The following DMWD variants were observed in gnomAD, a reference collection of about 807,000 sequenced individuals.
DMWD encodes DM1 locus, WD repeat containing, also known as dystrophia myotonica WD repeat-containing protein.
A neutral mutation model predicts 45.8 loss-of-function variants in DMWD; 19 were observed. That is an observed-to-expected ratio of 0.41 (90% confidence interval 0.29 to 0.61). DMWD has a LOEUF of 0.61. Ranked by LOEUF, DMWD falls within the 20% of genes least tolerant of loss-of-function variation. The pLI, the probability that DMWD is intolerant of heterozygous loss-of-function variation, is 0.25. For synonymous variants in DMWD, 515 were observed against 440.5 expected, an observed-to-expected ratio of 1.17 and a Z score of -2.12; for missense variants, 802 against 965.2, an observed-to-expected ratio of 0.83 and a Z score of 2.24.
At position 45,785,657 on chromosome 19, in the gene DMWD, C is replaced by G; in HGVS notation, c.1839G>C (p.Glu613Asp). The change falls in exon 3 of 5, where the codon GAG becomes GAC. Residue 613 changes from glutamate (E) to aspartate (D), a missense_variant. By Grantham distance (45) the Glu-to-Asp change is conservative (BLOSUM62 2). This residue lies in a region of DMWD where 303 missense variants were observed against 332.9 expected (regional missense o/e 0.91). Coordinates refer to ENST00000270223, the MANE Select transcript of DMWD (RefSeq NM_004943.2). ...QERLTVLLFL[E>D]DCIITACQEG... ...CCTGGCAGGCAGTGATGATGCAGTC[C>G]TCCAGGAACAGGAGGACTGTGAGCC... 6.4e-7 allele frequency: 1 copy of G among 1,569,306 alleles called. No individual in the cohort carries two copies. Among genetic ancestry groups the G allele is most frequent in the Non-Finnish European group, 8.7e-7 (1 of 1,153,138 alleles).
chr19:45,787,029 C>T (rs949145100), intron 2 of DMWD, 158 bp from the exon 3 acceptor site: 27 of 1,297,912 alleles, frequency 2.1e-5, no homozygotes, highest in Non-Finnish European at 2.7e-5. Context: ...AGCTCCCAAA[C>T]TGGGGAAGAC....
rs1376883331 is a variant in DMWD at position 45,782,953 on chromosome 19, T to A, written c.*1290A>T. ...TGGATTCCGACTCGGACAGTTAAAT[T>A]TAGCCCTCAGGCTCTCTGCTTTATA... is the stretch of plus-strand genomic sequence containing the variant. On this transcript the variant is annotated 3_prime_UTR_variant, in exon 5 of 5. Coordinates refer to ENST00000270223, the MANE Select transcript of DMWD (RefSeq NM_004943.2). The A allele has an allele frequency of 6.6e-6, 1 of 150,984 alleles. No individual in the cohort carries two copies. Among genetic ancestry groups the A allele is most frequent in the Non-Finnish European group, 1.5e-5 (1 of 68,064 alleles). 9.4% of individuals were successfully genotyped at this position (150,984 alleles called of 1,614,324 possible).
chr19:45,790,957 A>C lies in DMWD; in HGVS notation c.572T>G (p.Val191Gly), dbSNP rs1283953457. ...CTTTTTGATGAGATCCAGGTACTGC[A>C]CTTGACCCGCTGAGAAGCCCACCAG... ...SLLVGFSAGQ[V>G]QYLDLIKKDT... The change falls in exon 2 of 5, where the codon GTG becomes GGG. Residue 191 changes from valine (V) to glycine (G), a missense_variant. Around this residue, in one of 9 missense-constraint regions of DMWD, gnomAD observed 38 missense variants for 76.1 expected, o/e 0.50. Coordinates refer to ENST00000270223, the MANE Select transcript of DMWD (RefSeq NM_004943.2). 1 of 1,613,200 alleles carries C rather than the reference A, an allele frequency of 6.2e-7. No homozygotes were observed. Among genetic ancestry groups the C allele is most frequent in the African/African-American group, 1.3e-5 (1 of 74,658 alleles).
rs899076873 is a variant in DMWD, at chr19:45,785,243, G to C, written c.1902+351C>G. 1.1e-5 allele frequency: 12 copies of C among 1,061,512 alleles called. No individual in the cohort carries two copies. In the African/African-American group the frequency reaches 2.0e-4, roughly 18 times the overall value. 65.8% of individuals were successfully genotyped at this position (1,061,512 alleles called of 1,614,324 possible). Reference sequence around the variant, plus strand: ...CCTGAAGTACTCAAAAAAGTTTCACGATTTAAAAAACAGATGTTCAACAGA... The same window carrying C: ...CCTGAAGTACTCAAAAAAGTTTCACCATTTAAAAAACAGATGTTCAACAGA... On this transcript the variant is annotated intron_variant, in intron 3 of 4. Coordinates refer to ENST00000270223, the MANE Select transcript of DMWD (RefSeq NM_004943.2).
In DMWD at chr19:45,786,042, G is replaced by A. The variant is rs1395278483; in HGVS notation, c.1454C>T (p.Pro485Leu). The A allele has an allele frequency of 6.5e-7, 1 of 1,533,616 alleles. No homozygotes were observed. ...SSRGGEPGPG[P>L]LPRSLSRSNS... ...GGAGCGGGACAGCGAGCGAGGCAGGGGGCCTGGGCCAGGCTCGCCACCCCT... is the reference window on the plus strand; with the variant it reads ...GGAGCGGGACAGCGAGCGAGGCAGGAGGCCTGGGCCAGGCTCGCCACCCCT... The change falls in exon 3 of 5, where the codon CCC (proline) becomes CTC (leucine). Residue 485 changes from proline to leucine, a missense_variant. Coordinates refer to ENST00000270223, the MANE Select transcript of DMWD (RefSeq NM_004943.2).
In DMWD at chr19:45,786,491, G is replaced by C; in HGVS notation, c.1005C>G (p.Ser335Arg). 1.9e-6 allele frequency: 3 copies of C among 1,613,206 alleles called. No individual in the cohort carries two copies. Among genetic ancestry groups the C allele is most frequent in the Non-Finnish European group, 2.5e-6 (3 of 1,179,282 alleles). The part of the protein sequence containing the change: ...YFGGLLCVCW[S>R]PDGRYVVTGG... The stretch of plus-strand genomic sequence containing the variant: ...CCGTCACCACGTAGCGGCCGTCAGG[G>C]CTCCAGCACACACACAGCAGGCCCC... The change falls in exon 3 of 5, where the codon AGC becomes AGG. Residue 335 changes from serine to arginine, a missense_variant. Ser to Arg is a moderately radical substitution (Grantham distance 110). Coordinates refer to ENST00000270223, the MANE Select transcript of DMWD (RefSeq NM_004943.2).
chr19:45,792,229 C>G lies in DMWD; in HGVS notation c.441+87G>C, dbSNP rs999508073. 9 of 1,488,270 alleles carry G rather than the reference C, an allele frequency of 6.0e-6. No individual in the cohort carries two copies. The Admixed American group carries it at 6.7e-5, about 11-fold the overall frequency. The allele number at this position is 1,488,270 out of a possible 1,614,324, so 92.2% of individuals were successfully genotyped here. A position where few individuals can be genotyped will look rare whatever the true frequency, so the allele number is the denominator to read the frequency against. Reference sequence around the variant, plus strand: ...CACATTTAGAATGCCTATCTCAGGGCCCCATATCAATTCGGGGACCCTCCT... The same window carrying G: ...CACATTTAGAATGCCTATCTCAGGGGCCCATATCAATTCGGGGACCCTCCT... On this transcript the variant is annotated intron_variant, in intron 1 of 4. Transcript: ENST00000270223.
intron 3 of DMWD, 87 bp downstream of exon 3, chr19:45,785,507 G>C (rs1286906106): frequency 7.1e-7 from 1 of 1,417,094 alleles, no homozygotes. Context: ...GGCTGTGACA[G>C]CAACAAAGCC....
intron 2 of DMWD, among the ~76,000 whole-genome samples, chr19:45,788,920 C>T (rs116401957): frequency 6.7e-6 from 1 of 149,492 alleles, no homozygotes; most frequent in East Asian, 1.9e-4. Context: ...CAGAGTGAGA[C>T]CCTATCTCAG....
intron 1 of DMWD, 108 bp downstream of exon 1, chr19:45,792,208 T>G: frequency 7.0e-7 from 1 of 1,422,596 alleles, no homozygotes; most frequent in Non-Finnish European, 9.3e-7. Context: ...GTCCATCACA[T>G]TTAGAATGCC....
chr19:45,786,862 C>G lies in DMWD; in HGVS notation c.634G>C (p.Asp212His). ...TTCAGATATGTCACCTTGGTCTTGT[C>G]GATCAACCGCTGCCAGGGGAGACAG... ...SKLFNEERLIDKTKVTYLKWL... is the reference protein window; with the variant it reads ...SKLFNEERLIHKTKVTYLKWL... Residue 212 changes from aspartate (D) to histidine (H), a missense_variant, in exon 3 of 5, where the codon GAC becomes CAC. Coordinates refer to ENST00000270223, the MANE Select transcript of DMWD (RefSeq NM_004943.2). 1.2e-6 allele frequency: 2 copies of G among 1,613,396 alleles called. No individual in the cohort carries two copies.
Position 45,783,262 on chromosome 19 carries a change from G to A in DMWD, c.*981C>T, listed in dbSNP as rs1053141612. 44 of 276,304 alleles carry A rather than the reference G, an allele frequency of 1.6e-4. No homozygotes were observed. The highest frequency in any genetic ancestry group is 6.7e-4 in the East Asian group (11 of 16,400). 17.1% of individuals were successfully genotyped at this position (276,304 alleles called of 1,614,324 possible). On this transcript the variant is annotated 3_prime_UTR_variant, in exon 5 of 5. Coordinates refer to ENST00000270223, the MANE Select transcript of DMWD (RefSeq NM_004943.2). ...GGGAAGACACACTCCCTGCGGCTCC[G>A]AGAGCCAAGAGGAATCTGAGCTCTT...
chr19:45,783,572 C>G lies in DMWD; in HGVS notation c.*671G>C. On this transcript the variant is annotated 3_prime_UTR_variant, in exon 5 of 5. Coordinates refer to ENST00000270223, the MANE Select transcript of DMWD (RefSeq NM_004943.2). ...AGTTGTGTGACTCGCAGGTCCGTTC[C>G]CTCCCTGGGCTCCGGCTTTTCCTGC... The G allele has an allele frequency of 2.5e-6, 1 of 398,800 alleles. No individual in the cohort carries two copies. The highest frequency in any genetic ancestry group is 4.4e-6 in the Non-Finnish European group (1 of 226,196). 24.7% of individuals were successfully genotyped at this position (398,800 alleles called of 1,614,324 possible). A position where few individuals can be genotyped will look rare whatever the true frequency, so the allele number is the denominator to read the frequency against.
At chr19:45,788,541 G>A (rs542078622) in intron 2 of DMWD, among the ~76,000 whole-genome samples, 39 of 152,244 alleles carry the variant, frequency 2.6e-4, no homozygotes, top group African/African-American at 9.4e-4. Context: ...TTATTTCTTG[G>A]AACTCATCTA....
Position 45,786,659 on chromosome 19 carries a change from C to G in DMWD, c.837G>C (p.Lys279Asn). ...KSKAPRNPLA[K>N]WAVGEGPLNE... Reference sequence around the variant, plus strand: ...TGAGGGGCCCCTCACCCACCGCCCACTTGGCCAGCGGGTTGCGGGGTGCCT... The same window carrying G: ...TGAGGGGCCCCTCACCCACCGCCCAGTTGGCCAGCGGGTTGCGGGGTGCCT... Residue 279 changes from lysine to asparagine, a missense_variant, in exon 3 of 5, where the codon AAG (lysine) becomes AAC (asparagine). Lys to Asn is a moderately conservative substitution (Grantham distance 94). Around this residue, in one of 9 missense-constraint regions of DMWD, gnomAD observed 146 missense variants for 212.8 expected, o/e 0.69. Transcript: ENST00000270223. 2 of 1,611,382 alleles carry G rather than the reference C, an allele frequency of 1.2e-6. No homozygotes were observed. The highest frequency in any genetic ancestry group is 1.7e-6 in the Non-Finnish European group (2 of 1,177,932).
rs779949643 is a variant in DMWD at position 45,792,329 on chromosome 19, C to G, written c.428G>C (p.Arg143Pro). 6.2e-7 allele frequency: 1 copy of G among 1,609,974 alleles called. No homozygotes were observed. The highest frequency in any genetic ancestry group is 1.3e-5 in the African/African-American group (1 of 74,540). Residue 143 changes from arginine to proline, a missense_variant, in exon 1 of 5, where the codon CGT becomes CCT. By Grantham distance (103) the Arg-to-Pro change is moderately radical (BLOSUM62 -2). Around this residue, in one of 9 missense-constraint regions of DMWD, gnomAD observed 82 missense variants for 92.9 expected, o/e 0.88. Transcript: ENST00000270223. ...CAGGCCGCTCACCCGTTGGCTCCCA[C>G]GACGACAGCAGCCTGGGTAGAAATA... ...ELYFYPGCCR[R>P]GSQRSIDLNK... is the part of the protein sequence containing the mutation.
intron 2 of DMWD, 49 bp from the exon 3 acceptor site, chr19:45,786,920 C>G: frequency 6.4e-7 from 1 of 1,570,564 alleles, no homozygotes; most frequent in South Asian, 1.2e-5. Context: ...AAAACCCAGG[C>G]AGAACTTCTC....
In DMWD at chr19:45,785,963, C is replaced by T. The variant is rs762138697; in HGVS notation, c.1533G>A (p.Ala511=). Residue 511 remains alanine, a synonymous_variant, in exon 3 of 5, where the codon GCG becomes GCA. Transcript: ENST00000270223. ...TGCTGAATGGTGTGCCAGGCTCTGC[C>T]GCCACACCCGGGCCGCCCGCCTTGC... ...GGGKAGGPGV[A]AEPGTPFSIG... is the part of the protein sequence containing the mutation. 8.2e-6 allele frequency: 13 copies of T among 1,580,568 alleles called. No homozygotes were observed. Among genetic ancestry groups the T allele is most frequent in the African/African-American group, 5.4e-5 (4 of 73,972 alleles).
chr19:45,791,231 CG>C (rs1568594261), intron 1 of DMWD, 144 bp from the exon 2 acceptor site: 1 of 771,674 alleles, frequency 1.3e-6, no homozygotes, highest in Non-Finnish European at 2.0e-6. Flanking sequence ...TTGCGAAGGA[CG>C]GGGCAACCAC....
Sources: allele counts gnomAD v4.1 joint callset (sites outside exome capture counted in the v4.1 genomes callset), GRCh38; gene constraint gnomAD v4.1.1; regional missense constraint gnomAD v4.1.1; transcripts MANE v1.5; gene names NCBI Gene and HGNC (gene_info 2026-07-23, HGNC 2026-07-21).